Variants in RNF175 observed in about 807,000 individuals in gnomAD.
The protein encoded by RNF175 is ring finger protein 175.
In RNF175, 38 loss-of-function variants were observed where a neutral mutation model predicts 50.0. That is an observed-to-expected ratio of 0.76 (90% CI 0.59 to 1.00). The LOEUF (loss-of-function observed/expected upper bound fraction) is 1.00, where lower values mean the gene tolerates loss of function less well. RNF175 is among the 50% of genes least tolerant of loss of function. The pLI is 0.00. For missense variants in RNF175, 388 were observed against 409.6 expected (o/e 0.95, Z 0.46); for synonymous variants, 155 against 146.1 (o/e 1.06, Z -0.44).
intron 5 of RNF175, among the ~76,000 whole-genome samples, chr4:153,720,922 CA>C (rs1738298469): frequency 6.6e-6 from 1 of 152,174 alleles, no homozygotes; most frequent in Non-Finnish European, 1.5e-5. Flanking sequence ...TCTTTCCTAA[CA>C]AGTGCTTGAG....
In RNF175 at chr4:153,748,655, C is replaced by A. The variant is rs569808365; in HGVS notation, c.236G>T (p.Arg79Leu). 2 of 1,589,830 alleles carry A rather than the reference C, an allele frequency of 1.3e-6. No homozygotes were observed. The highest frequency in any genetic ancestry group is 1.7e-6 in the Non-Finnish European group (2 of 1,167,782). The change falls in exon 3 of 9, where the codon CGA (arginine) becomes CTA (leucine). Residue 79 changes from arginine to leucine, a missense_variant. Arg to Leu is a moderately radical substitution (Grantham distance 102). Coordinates refer to ENST00000347063, the MANE Select transcript of RNF175 (RefSeq NM_173662.4). Reference protein sequence around the residue: ...VLVQWRQRHGRSYNLVTLLQM... With the variant: ...VLVQWRQRHGLSYNLVTLLQM... ...ACGGGGATGACTCACATTGTAGGAT[C>A]GGCCATGCCTCTGTCTCCACTGAAC... is the stretch of plus-strand genomic sequence containing the variant.
intron 1 of RNF175, among the ~76,000 whole-genome samples, chr4:153,752,236 C>A (rs1209215489): frequency 6.6e-6 from 1 of 152,168 alleles, no homozygotes; most frequent in African/African-American, 2.4e-5. Flanking sequence ...CATAGACAAC[C>A]AATGTTTTTG....
chr4:153,757,967 G>A (rs542978350), intron 1 of RNF175, among the ~76,000 whole-genome samples: 5 of 152,226 alleles, frequency 3.3e-5, no homozygotes, highest in South Asian at 2.1e-4. Flanking sequence ...AGGCCCTGCC[G>A]TTTGCTGAGA....
At chr4:153,756,419 C>A (rs896290510) in intron 1 of RNF175, among the ~76,000 whole-genome samples, 3 of 152,084 alleles carry the variant, frequency 2.0e-5, no homozygotes, top group Non-Finnish European at 2.9e-5. Flanking sequence ...GTCCTCCATC[C>A]CCCATCTCAG....
At chr4:153,754,373 C>T (rs911168179) in intron 1 of RNF175, among the ~76,000 whole-genome samples, 1 of 152,100 alleles carries the variant, frequency 6.6e-6, no homozygotes, top group Non-Finnish European at 1.5e-5. Flanking sequence ...GCTGACCAGG[C>T]TCCTCAATTA....
At chr4:153,735,021 TAAA>T (rs1739279845) in intron 3 of RNF175, among the ~76,000 whole-genome samples, 1 of 152,142 alleles carries the variant, frequency 6.6e-6, no homozygotes, top group Non-Finnish European at 1.5e-5. Flanking sequence ...TTAATTTCAA[TAAA>T]ATCTATCTTA....
chr4:153,729,675 A>G, intron 3 of RNF175: 1 of 985,250 alleles, frequency 1.0e-6, no homozygotes. Flanking sequence ...CAGGCTCACC[A>G]TTCTCCTTTG....
chr4:153,715,406 A>C (rs1463786186), intron 7 of RNF175, 123 bp downstream of exon 7: 4 of 896,528 alleles, frequency 4.5e-6, no homozygotes, highest in Non-Finnish European at 7.2e-6. Flanking sequence ...TGGAGGATAA[A>C]GGACTGGGGT....
chr4:153,718,226 G>GTTTTTTTTTTTTT (rs1325216298), intron 6 of RNF175, among the ~76,000 whole-genome samples: 23 of 30,576 alleles, frequency 7.5e-4, no homozygotes, highest in Admixed American at 1.2e-3. Context: ...TTGTTTGTTT[G>GTTTTTTTTTTTTT]TTTGTTTGTT....
At chr4:153,759,719 G>C in intron 1 of RNF175, 78 bp downstream of exon 1, 1 of 992,950 alleles carries the variant, frequency 1.0e-6, no homozygotes, top group Non-Finnish European at 1.4e-6. Context: ...AGACCAGTCT[G>C]TGCAGCCTGC....
chr4:153,728,488 G>T (rs1234345211), intron 3 of RNF175, 127 bp from the exon 4 acceptor site: 43 of 710,962 alleles, frequency 6.0e-5, no homozygotes, highest in Non-Finnish European at 3.3e-5. Context: ...CCATGCAACT[G>T]GTTCACCATC....
chr4:153,749,097 A>G (rs1740153436), intron 2 of RNF175, among the ~76,000 whole-genome samples: 1 of 152,278 alleles, frequency 6.6e-6, no homozygotes, highest in South Asian at 2.1e-4. Context: ...TGATGGGGCT[A>G]AAAAAAGTAA....
intron 3 of RNF175, among the ~76,000 whole-genome samples, chr4:153,740,923 C>G (rs6827453): frequency 0.98 from 148,954 of 152,332 alleles, 72,923 homozygotes; most frequent in East Asian, 1. Context: ...GGTGTCAAAG[C>G]CTTCAATTTC....
Position 153,759,882 on chromosome 4 carries a change from C to T in RNF175, c.-20G>A, listed in dbSNP as rs1367472287. On this transcript the variant is annotated 5_prime_UTR_variant, in exon 1 of 9. Transcript: ENST00000347063. ...GGCCATGCCTGAGCCACTGTGCCTT[C>T]TCCAGGGCACAGCGCCTGCCGGGGA... 7.2e-7 allele frequency: 1 copy of T among 1,381,920 alleles called. No homozygotes were observed. Among genetic ancestry groups the T allele is most frequent in the Non-Finnish European group, 9.3e-7 (1 of 1,070,936 alleles). 85.6% of individuals were successfully genotyped at this position (1,381,920 alleles called of 1,614,324 possible). A position where few individuals can be genotyped will look rare whatever the true frequency, so the allele number is the denominator to read the frequency against.
intron 7 of RNF175, 92 bp from the exon 8 acceptor site, chr4:153,712,668 G>T: frequency 2.4e-6 from 2 of 827,648 alleles, no homozygotes; most frequent in Non-Finnish European, 4.1e-6. Flanking sequence ...GGGTCTAGTG[G>T]TGGAGTCATG....
At chr4:153,734,470 G>C (rs180774647) in intron 3 of RNF175, among the ~76,000 whole-genome samples, 1 of 151,668 alleles carries the variant, frequency 6.6e-6, no homozygotes, top group Admixed American at 6.6e-5. Flanking sequence ...ATGCATATTT[G>C]CCATCTGTAA....
intron 1 of RNF175, among the ~76,000 whole-genome samples, chr4:153,755,288 C>A (rs990531259): frequency 6.6e-6 from 1 of 152,256 alleles, no homozygotes; most frequent in Non-Finnish European, 1.5e-5. Flanking sequence ...GTTCTCCCTA[C>A]AAAAAGGCCC....
In RNF175 at chr4:153,723,337, T is replaced by C. The variant is rs959458106; in HGVS notation, c.509+14A>G. The C allele has an allele frequency of 1.6e-5, 21 of 1,284,400 alleles. No individual in the cohort carries two copies. Among genetic ancestry groups the C allele is most frequent in the East Asian group, 2.3e-5 (1 of 43,316 alleles). The allele number at this position is 1,284,400 out of a possible 1,614,324, so 79.6% of individuals were successfully genotyped here. On this transcript the variant is annotated intron_variant, in intron 5 of 8. Transcript: ENST00000347063. ...GTGCTTGGAGATATTAATGTCTTAA[T>C]TGGAGATACTTACTTGAAAAACAGA...
At chr4:153,746,717 C>G (rs1018844887) in intron 3 of RNF175, among the ~76,000 whole-genome samples, 16 of 152,336 alleles carry the variant, frequency 1.1e-4, no homozygotes, top group African/African-American at 3.8e-4. Flanking sequence ...CTAGTGAGGA[C>G]TCTCTGCTAT....
Sources: allele counts gnomAD v4.1 joint callset (sites outside exome capture counted in the v4.1 genomes callset), GRCh38; gene constraint gnomAD v4.1.1; transcripts MANE v1.5; gene names NCBI Gene and HGNC (gene_info 2026-07-23, HGNC 2026-07-21).